AMMECR1L: variants seen among roughly 807,000 people sequenced by gnomAD.
AMMECR1L encodes AMMECR1 like, also known as AMMECR1-like protein.
A neutral mutation model predicts 36.8 loss-of-function variants in AMMECR1L; 4 were observed. The ratio of observed to expected loss-of-function variants is 0.11; its 90% confidence interval spans 0.05 to 0.25. The LOEUF is 0.25. Ranked by LOEUF, AMMECR1L falls within the 10% of genes least tolerant of loss-of-function variation. The pLI, the probability that AMMECR1L is intolerant of heterozygous loss-of-function variation, is 1.00. For synonymous variants in AMMECR1L, 147 were observed against 148.0 expected (o/e 0.99, Z 0.05); for missense variants, 232 against 392.1 (o/e 0.59, Z 3.45).
At position 127,866,895 on chromosome 2, in the gene AMMECR1L, C is replaced by T; in HGVS notation, c.821+5G>A. 1 of 1,613,248 alleles carries T rather than the reference C, an allele frequency of 6.2e-7. No individual in the cohort carries two copies. ...AATGATAAGGAAAACAAGACAATGG[C>T]TTACCTGGTGAGTTTGATCGTTTTT... On this transcript the variant is annotated splice_donor_5th_base_variant and intron_variant, in intron 7 of 7. Coordinates refer to ENST00000272647, the MANE Select transcript of AMMECR1L (RefSeq NM_001199140.2).
intron 2 of AMMECR1L, among the ~76,000 whole-genome samples, chr2:127,882,923 T>A (rs1278536060): frequency 6.8e-5 from 10 of 147,022 alleles, no homozygotes; most frequent in Non-Finnish European, 9.0e-5. Flanking sequence ...TTTTTTTTTT[T>A]AAAGAGATGA....
At position 127,885,946 on chromosome 2, in the gene AMMECR1L, G is replaced by A; in HGVS notation, c.-285C>T. On this transcript the variant is annotated 5_prime_UTR_variant, in exon 1 of 8. Coordinates refer to ENST00000272647, the MANE Select transcript of AMMECR1L (RefSeq NM_001199140.2). ...CCTGCGGGCGGGCCGGACGCGCTGC[G>A]CGGACGGGGCGGGGCGAAGGAGGCC... The A allele has an allele frequency of 1.0e-6, 1 of 990,954 alleles. No homozygotes were observed. The highest frequency in any genetic ancestry group is 1.2e-6 in the Non-Finnish European group (1 of 834,166). The allele number at this position is 990,954 out of a possible 1,614,324, so 61.4% of individuals were successfully genotyped here.
chr2:127,873,358 T>C lies in AMMECR1L; in HGVS notation c.407+470A>G, dbSNP rs1358463982. ...TGGGATGTGAGTGGCCCTACAGGTT[T>C]ACCAAGGGATTTCTCATGAACAAAG... On this transcript the variant is annotated intron_variant, in intron 3 of 7. Transcript: ENST00000272647. This position sits in a 1 kb window ranked among gnomAD's most constrained non-coding sequence, Gnocchi z 5.2. 1 of 985,332 alleles carries C rather than the reference T, an allele frequency of 1.0e-6. No individual in the cohort carries two copies. The highest frequency in any genetic ancestry group is 1.2e-6 in the Non-Finnish European group (1 of 829,940). The allele number at this position is 985,332 out of a possible 1,614,324, so 61.0% of individuals were successfully genotyped here.
In AMMECR1L at chr2:127,871,426, T is replaced by C. The variant is rs1398895363; in HGVS notation, c.408-67A>G. ...AATCATGGATAAGAACAAAACCTTT[T>C]GGCTTTGTCCCTATTCATTTCTGTT... On this transcript the variant is annotated intron_variant, in intron 3 of 7. Transcript: ENST00000272647. The surrounding 1 kb of genome is among the most constrained non-coding windows in gnomAD (Gnocchi z 4.3). 6.7e-7 allele frequency: 1 copy of C among 1,503,462 alleles called. No homozygotes were observed. The highest frequency in any genetic ancestry group is 9.0e-7 in the Non-Finnish European group (1 of 1,105,938). 93.1% of individuals were successfully genotyped at this position (1,503,462 alleles called of 1,614,324 possible). A position where few individuals can be genotyped will look rare whatever the true frequency, so the allele number is the denominator to read the frequency against.
At position 127,874,270 on chromosome 2, in the gene AMMECR1L, A is replaced by C; in HGVS notation, c.-36T>G. On this transcript the variant is annotated splice_region_variant and 5_prime_UTR_variant, in exon 3 of 8. Transcript: ENST00000272647. This position sits in a 1 kb window ranked among gnomAD's most constrained non-coding sequence, Gnocchi z 5.2. The stretch of plus-strand genomic sequence containing the variant: ...TGCTCAAGGTCTGGAATGCTGCAGA[A>C]CCCTAACCAAAATGAGAAGTTAAGC... 6.3e-7 allele frequency: 1 copy of C among 1,592,852 alleles called. No individual in the cohort carries two copies. Among genetic ancestry groups the C allele is most frequent in the Non-Finnish European group, 8.5e-7 (1 of 1,175,076 alleles).
intron 2 of AMMECR1L, among the ~76,000 whole-genome samples, chr2:127,878,356 G>C (rs1326616279): frequency 6.6e-6 from 1 of 152,190 alleles, no homozygotes; most frequent in East Asian, 1.9e-4. Flanking sequence ...CAGAGAGCTG[G>C]TGTTTTAATA....
chr2:127,880,489 G>T (rs1691441611), intron 2 of AMMECR1L, among the ~76,000 whole-genome samples: 1 of 152,106 alleles, frequency 6.6e-6, no homozygotes, highest in Admixed American at 6.6e-5. Context: ...CCTCAGTGAT[G>T]CTGCGGCGTC....
In AMMECR1L at chr2:127,863,848, G is replaced by A. The variant is rs1017947921; in HGVS notation, c.*1246C>T. ...GAGAGAGGAAAAAATTGCTGACAGC[G>A]ATTTGGAAATCAGCAACAATGGGAA... is the stretch of plus-strand genomic sequence containing the variant. On this transcript the variant is annotated 3_prime_UTR_variant, in exon 8 of 8. Coordinates refer to ENST00000272647, the MANE Select transcript of AMMECR1L (RefSeq NM_001199140.2). 6 of 152,630 alleles carry A rather than the reference G, an allele frequency of 3.9e-5. No homozygotes were observed. The highest frequency in any genetic ancestry group is 8.8e-5 in the Non-Finnish European group (6 of 68,052). The allele number at this position is 152,630 out of a possible 1,614,324, so 9.5% of individuals were successfully genotyped here. A position where few individuals can be genotyped will look rare whatever the true frequency, so the allele number is the denominator to read the frequency against.
Position 127,865,202 on chromosome 2 carries a change from G to A in AMMECR1L, c.825C>T (p.Tyr275=), listed in dbSNP as rs898309614. 6.2e-7 allele frequency: 1 copy of A among 1,610,186 alleles called. No homozygotes were observed. The highest frequency in any genetic ancestry group is 1.3e-5 in the African/African-American group (1 of 74,896). The change falls in exon 8 of 8, where the codon TAC becomes TAT. Residue 275 remains tyrosine (Y), a synonymous_variant. Transcript: ENST00000272647. The surrounding 1 kb of genome is among the most constrained non-coding windows in gnomAD (Gnocchi z 5.4). ...EFRKTIKLTR[Y]RSEKVTISYA... Reference sequence around the variant, plus strand: ...AACTGATTGTCACCTTCTCACTTCGGTACCTGTATGAGGAAACAGGAAAGG... The same window carrying A: ...AACTGATTGTCACCTTCTCACTTCGATACCTGTATGAGGAAACAGGAAAGG...
At chr2:127,884,714 G>A (rs1691672484) in intron 1 of AMMECR1L, 1 of 152,282 alleles carries the variant, frequency 6.6e-6, no homozygotes, top group African/African-American at 2.4e-5. Flanking sequence ...CCTCTGCAAA[G>A]ACAGAACTGA....
chr2:127,883,404 C>T (rs1176622272), intron 2 of AMMECR1L, among the ~76,000 whole-genome samples: 2 of 152,262 alleles, frequency 1.3e-5, no homozygotes, highest in Middle Eastern at 3.4e-3. Context: ...CAGAACTATA[C>T]ATTTTCATTT....
At chr2:127,866,291 G>A (rs1690680981) in intron 7 of AMMECR1L, among the ~76,000 whole-genome samples, 1 of 152,082 alleles carries the variant, frequency 6.6e-6, no homozygotes, top group Admixed American at 6.6e-5. Flanking sequence ...CATTACCTTA[G>A]CACAGCCTCA....
Position 127,864,814 on chromosome 2 carries a change from G to A in AMMECR1L, c.*280C>T, listed in dbSNP as rs1455017446. ...GGCAAATACCAGACAAGGGTCTTCT[G>A]AACCCACAGTAATTCCCACTAGTCA... On this transcript the variant is annotated 3_prime_UTR_variant, in exon 8 of 8. Coordinates refer to ENST00000272647, the MANE Select transcript of AMMECR1L (RefSeq NM_001199140.2). The A allele has an allele frequency of 8.1e-6, 2 of 248,034 alleles. No homozygotes were observed. The highest frequency in any genetic ancestry group is 4.5e-5 in the African/African-American group (2 of 44,310). 15.4% of individuals were successfully genotyped at this position (248,034 alleles called of 1,614,324 possible).
At chr2:127,882,934 A>C (rs2104784073) in intron 2 of AMMECR1L, among the ~76,000 whole-genome samples, 1 of 142,078 alleles carries the variant, frequency 7.0e-6, no homozygotes, top group Non-Finnish European at 1.5e-5. Context: ...AAAGAGATGA[A>C]GTCTTGCTAT....
Position 127,862,289 on chromosome 2 carries a change from C to T in AMMECR1L, c.*2805G>A, listed in dbSNP as rs1054244360. On this transcript the variant is annotated 3_prime_UTR_variant, in exon 8 of 8. Transcript: ENST00000272647. ...AAAACAGTGGTTACCTACTGTCCAGCTCGAGCAGCCCAAGGACAAAGGAAA... is the reference window on the plus strand; with the variant it reads ...AAAACAGTGGTTACCTACTGTCCAGTTCGAGCAGCCCAAGGACAAAGGAAA... 1 of 153,770 alleles carries T rather than the reference C, an allele frequency of 6.5e-6. No individual in the cohort carries two copies. The highest frequency in any genetic ancestry group is 2.4e-5 in the African/African-American group (1 of 41,436). The allele number at this position is 153,770 out of a possible 1,614,324, so 9.5% of individuals were successfully genotyped here.
In AMMECR1L at chr2:127,869,401, C is replaced by T; in HGVS notation, c.724+53G>A. 6.5e-7 allele frequency: 1 copy of T among 1,528,812 alleles called. No individual in the cohort carries two copies. Among genetic ancestry groups the T allele is most frequent in the Non-Finnish European group, 9.1e-7 (1 of 1,102,578 alleles). 94.7% of individuals were successfully genotyped at this position (1,528,812 alleles called of 1,614,324 possible). On this transcript the variant is annotated intron_variant, in intron 6 of 7. Transcript: ENST00000272647. This position sits in a 1 kb window ranked among gnomAD's most constrained non-coding sequence, Gnocchi z 4.7. The stretch of plus-strand genomic sequence containing the variant: ...CACACTTCACTTTCTTGCCCTTTAA[C>T]TGGCACCACTGTGAATGATACTTGT...
intron 2 of AMMECR1L, among the ~76,000 whole-genome samples, chr2:127,877,234 A>T (rs1691288535): frequency 6.6e-6 from 1 of 151,750 alleles, no homozygotes; most frequent in Non-Finnish European, 1.5e-5. Context: ...ACTCTTCAAA[A>T]AGGGCTTCAC....
intron 2 of AMMECR1L, among the ~76,000 whole-genome samples, chr2:127,878,810 C>G (rs946694434): frequency 6.6e-6 from 1 of 152,134 alleles, no homozygotes; most frequent in African/African-American, 2.4e-5. Context: ...ACTAAATAAC[C>G]AATTCAACTG....
At chr2:127,877,121 T>C (rs184635437) in intron 2 of AMMECR1L, among the ~76,000 whole-genome samples, 1 of 151,550 alleles carries the variant, frequency 6.6e-6, no homozygotes, top group Non-Finnish European at 1.5e-5. Context: ...GCTGCTCTTA[T>C]CATCTGGGTT....
Sources: allele counts gnomAD v4.1 joint callset (sites outside exome capture counted in the v4.1 genomes callset), GRCh38; gene constraint gnomAD v4.1.1; non-coding constraint Gnocchi (gnomAD v3.1); transcripts MANE v1.5; gene names NCBI Gene and HGNC (gene_info 2026-07-23, HGNC 2026-07-21).